The following NR2F6 variants were observed in gnomAD, a reference collection of about 807,000 sequenced individuals.
The protein encoded by NR2F6 is nuclear receptor subfamily 2 group F member 6, also known as ERBA-related gene-2.
NR2F6 carries 16 observed loss-of-function variants against 26.5 expected under a neutral mutation model. The ratio of observed to expected loss-of-function variants is 0.60; its 90% CI spans 0.41 to 0.92. NR2F6 has a LOEUF of 0.92. Ranked by LOEUF, NR2F6 falls within the 40% of genes least tolerant of loss-of-function variation. The pLI, the probability that NR2F6 is intolerant of heterozygous loss-of-function variation, is 0.00. For missense variants in NR2F6, 536 were observed against 631.7 expected (o/e 0.85, Z 1.62); for synonymous variants, 325 against 305.0 (o/e 1.07, Z -0.68).
intron 2 of NR2F6, among the ~76,000 whole-genome samples, chr19:17,239,064 C>T (rs1366530391): frequency 1.3e-5 from 2 of 151,814 alleles, no homozygotes; most frequent in Admixed American, 6.6e-5. Context: ...TTAGGCCAGG[C>T]GCGGTGACTC....
intron 2 of NR2F6, among the ~76,000 whole-genome samples, chr19:17,236,510 G>A (rs2073439682): frequency 6.6e-6 from 1 of 152,040 alleles, no homozygotes; most frequent in African/African-American, 2.4e-5. Flanking sequence ...AGCTCCTGGG[G>A]ACAAGGAGGA....
rs113381345 is a variant in NR2F6, at chr19:17,238,029, A to G, written c.374-1964T>C. On this transcript the variant is annotated intron_variant, in intron 2 of 3. Transcript: ENST00000291442. Reference sequence around the variant, plus strand: ...GTAGCGAACACCTGTAATCTCAGCTACTCAGGAGGCTGAGGTGGGAGAATC... The same window carrying G: ...GTAGCGAACACCTGTAATCTCAGCTGCTCAGGAGGCTGAGGTGGGAGAATC... Among the ~76,000 whole-genome samples, 617 of 152,164 alleles carry G rather than the reference A, an allele frequency of 4.1e-3. 5 individuals are homozygous for G. Among genetic ancestry groups the G allele is most frequent in the African/African-American group, 0.014 (589 of 41,510 alleles).
In NR2F6 at chr19:17,241,504, C is replaced by T. The variant is rs569027114; in HGVS notation, c.279-739G>A. ...CCACCCTGAGAGGTGGTGAGCTCCCCATCCTGGGTCAGCCCCCAAGCAGGA... is the reference window on the plus strand; with the variant it reads ...CCACCCTGAGAGGTGGTGAGCTCCCTATCCTGGGTCAGCCCCCAAGCAGGA... On this transcript the variant is annotated intron_variant, in intron 1 of 3. Coordinates refer to ENST00000291442, the MANE Select transcript of NR2F6 (RefSeq NM_005234.4). 2.1e-4 allele frequency among the ~76,000 whole-genome samples: 32 copies of T among 152,364 alleles called. No homozygotes were observed. The South Asian group carries it at 5.0e-3, about 24-fold the overall frequency.
intron 2 of NR2F6, among the ~76,000 whole-genome samples, chr19:17,239,785 C>G (rs1217468703): frequency 2.0e-5 from 3 of 152,090 alleles, no homozygotes; most frequent in Non-Finnish European, 4.4e-5. Flanking sequence ...CACCACTGCA[C>G]TCCAGCCTGG....
chr19:17,242,580 TG>T lies in NR2F6; in HGVS notation c.279-1816del, dbSNP rs1443690053. Among the ~76,000 whole-genome samples, 4 of 152,298 alleles carry T rather than the reference TG, an allele frequency of 2.6e-5. No individual in the cohort carries two copies. The East Asian group carries it at 7.7e-4, about 29-fold the overall frequency. ...CCCGTACCCCCCCTCCACCACTGCC[TG>T]GGTCCTGCAGCACCAGCCACTGAGC... is the stretch of plus-strand genomic sequence containing the variant. On this transcript the variant is annotated intron_variant, in intron 1 of 3. Coordinates refer to ENST00000291442, the MANE Select transcript of NR2F6 (RefSeq NM_005234.4).
At position 17,232,329 on chromosome 19, in the gene NR2F6, C is replaced by T. The variant is rs767686044; in HGVS notation, c.*23G>A. 1 of 1,613,612 alleles carries T rather than the reference C, an allele frequency of 6.2e-7. No homozygotes were observed. The highest frequency in any genetic ancestry group is 8.5e-7 in the Non-Finnish European group (1 of 1,179,960). On this transcript the variant is annotated 3_prime_UTR_variant, in exon 4 of 4. Transcript: ENST00000291442. ...TGAGGTCTGTCTGCAGGCCTGGCCA[C>T]AGCACACGTGGCCCCGTCATGGTCA...
rs1251353773 is a variant in NR2F6, at chr19:17,245,342, C to T, written c.-122G>A. On this transcript the variant is annotated 5_prime_UTR_variant, in exon 1 of 4. It adds an upstream start codon to the 5' untranslated region. Transcript: ENST00000291442. The surrounding 1 kb of genome is among the most constrained non-coding windows in gnomAD (Gnocchi z 5.0). Reference sequence around the variant, plus strand: ...CGGCGCGCGGGGGGCACGGGCTGCACCCCCCAAAAAAGTTTTGCAGCAACT... The same window carrying T: ...CGGCGCGCGGGGGGCACGGGCTGCATCCCCCAAAAAAGTTTTGCAGCAACT... 1.1e-6 allele frequency: 1 copy of T among 888,548 alleles called. No individual in the cohort carries two copies. Among genetic ancestry groups the T allele is most frequent in the African/African-American group, 1.8e-5 (1 of 56,440 alleles). 55.0% of individuals were successfully genotyped at this position (888,548 alleles called of 1,614,324 possible). A position where few individuals can be genotyped will look rare whatever the true frequency, so the allele number is the denominator to read the frequency against.
rs2073435853 is a variant in NR2F6, at chr19:17,236,071, G to A, written c.374-6C>T. 1 of 1,265,654 alleles carries A rather than the reference G, an allele frequency of 7.9e-7. No homozygotes were observed. Among genetic ancestry groups the A allele is most frequent in the African/African-American group, 1.7e-5 (1 of 60,030 alleles). 78.4% of individuals were successfully genotyped at this position (1,265,654 alleles called of 1,614,324 possible). On this transcript the variant is annotated splice_polypyrimidine_tract_variant and splice_region_variant and intron_variant, in intron 2 of 3. Coordinates refer to ENST00000291442, the MANE Select transcript of NR2F6 (RefSeq NM_005234.4). ...GATGCGGCCGCGCTGCACCGCTGCG[G>A]GAGGCGGGGACAGGAGGGACATGGG...
In NR2F6 at chr19:17,245,255, G is replaced by A. The variant is rs764369069; in HGVS notation, c.-35C>T. On this transcript the variant is annotated 5_prime_UTR_variant, in exon 1 of 4. Transcript: ENST00000291442. The surrounding 1 kb of genome is among the most constrained non-coding windows in gnomAD (Gnocchi z 5.0). ...GCAGCGGGGCCGGGGCGCCCCCACCGCGCTCTTCCCTCCGGGCACCCCTCT... is the reference window on the plus strand; with the variant it reads ...GCAGCGGGGCCGGGGCGCCCCCACCACGCTCTTCCCTCCGGGCACCCCTCT... 134 of 1,225,476 alleles carry A rather than the reference G, an allele frequency of 1.1e-4. No individual in the cohort carries two copies. Among genetic ancestry groups the A allele is most frequent in the Admixed American group, 8.9e-5 (2 of 22,364 alleles). The allele number at this position is 1,225,476 out of a possible 1,614,324, so 75.9% of individuals were successfully genotyped here.
At chr19:17,237,623 G>T (rs1025311390) in intron 2 of NR2F6, among the ~76,000 whole-genome samples, 5 of 151,964 alleles carry the variant, frequency 3.3e-5, no homozygotes, top group Non-Finnish European at 7.4e-5. Context: ...TGTTGGCCAG[G>T]ATGGTCTCAA....
chr19:17,237,165 T>C (rs1421634345), intron 2 of NR2F6, among the ~76,000 whole-genome samples: 1 of 152,022 alleles, frequency 6.6e-6, no homozygotes, highest in African/African-American at 2.4e-5. Context: ...AGGGCATGGG[T>C]TGAAGCCCGC....
intron 2 of NR2F6, 98 bp from the exon 3 acceptor site, chr19:17,236,163 GAGGGGAGGGCGGGGC>G: frequency 3.3e-6 from 1 of 301,338 alleles, no homozygotes; most frequent in Non-Finnish European, 5.3e-6. Flanking sequence ...GGAGATGGGG[GAGGGGAGGGCGGGGC>G]ACAGAAGGCC....
intron 3 of NR2F6, among the ~76,000 whole-genome samples, chr19:17,233,400 G>A (rs1599452323): frequency 2.6e-5 from 4 of 152,312 alleles, no homozygotes; most frequent in South Asian, 4.1e-4. Flanking sequence ...CGATCCTCCA[G>A]AGATAGTGAG....
At chr19:17,233,113 C>T (rs141146889) in intron 3 of NR2F6, among the ~76,000 whole-genome samples, 3,537 of 152,210 alleles carry the variant, frequency 0.023, 66 homozygotes, top group Middle Eastern at 0.034. Flanking sequence ...TGCCACTGCA[C>T]TCCAGCCTGG....
Position 17,236,034 on chromosome 19 carries a change from C to A in NR2F6, c.405G>T (p.Leu135=), listed in dbSNP as rs1444016187. Residue 135 remains leucine, a synonymous_variant, in exon 3 of 4, where the codon CTG becomes CTT. Transcript: ENST00000291442. ...CCGAGGAGGCGGCCACGGCACCAGG[C>A]AGCGAGTGCGGGATGCGGCCGCGCT... ...AVQRGRIPHS[L]PGAVAASSGS... is the part of the protein sequence containing the mutation. 3 of 1,343,846 alleles carry A rather than the reference C, an allele frequency of 2.2e-6. No homozygotes were observed. Among genetic ancestry groups the A allele is most frequent in the African/African-American group, 1.6e-5 (1 of 62,414 alleles). 83.2% of individuals were successfully genotyped at this position (1,343,846 alleles called of 1,614,324 possible). A position where few individuals can be genotyped will look rare whatever the true frequency, so the allele number is the denominator to read the frequency against.
In NR2F6 at chr19:17,245,688, G is replaced by A. The variant is rs2073494914; in HGVS notation, c.-468C>T. On this transcript the variant is annotated 5_prime_UTR_variant, in exon 1 of 4. Coordinates refer to ENST00000291442, the MANE Select transcript of NR2F6 (RefSeq NM_005234.4). The surrounding 1 kb of genome is among the most constrained non-coding windows in gnomAD (Gnocchi z 5.0). ...CAAGTTGCGCGGCCGCCCGTGGCGG[G>A]GGGGGAGGGGCGGCGGGTGCGCGCC... The A allele has an allele frequency of 6.8e-6, 1 of 146,342 alleles. No homozygotes were observed. The highest frequency in any genetic ancestry group is 1.5e-5 in the Non-Finnish European group (1 of 65,830). 9.1% of individuals were successfully genotyped at this position (146,342 alleles called of 1,614,324 possible).
At chr19:17,237,777 T>G (rs1356383061) in intron 2 of NR2F6, among the ~76,000 whole-genome samples, 1 of 152,028 alleles carries the variant, frequency 6.6e-6, no homozygotes, top group African/African-American at 2.4e-5. Flanking sequence ...ACTGTGGAGG[T>G]TCAAATCCCA....
intron 1 of NR2F6, among the ~76,000 whole-genome samples, chr19:17,242,513 G>A (rs1026628908): frequency 5.3e-5 from 8 of 152,152 alleles, no homozygotes; most frequent in African/African-American, 1.7e-4. Context: ...GAGCCCAGCC[G>A]GAGAACCCAA....
intron 2 of NR2F6, among the ~76,000 whole-genome samples, chr19:17,240,446 G>A (rs754188181): frequency 2.0e-5 from 3 of 152,146 alleles, no homozygotes; most frequent in South Asian, 2.1e-4. Context: ...AGGGGGCCAC[G>A]GATCCTAATT....
Sources: gnomAD v4.1 joint callset for allele counts (sites outside exome capture counted in the v4.1 genomes callset) on GRCh38, gnomAD v4.1.1 for gene constraint, Gnocchi (gnomAD v3.1) non-coding constraint, MANE v1.5 for transcripts, NCBI Gene and HGNC (gene_info 2026-07-23, HGNC 2026-07-21) for gene names.